TRIM37: variants seen among roughly 807,000 people sequenced by gnomAD.
The protein encoded by TRIM37 is tripartite motif containing 37.
A neutral mutation model predicts 129.8 loss-of-function variants in TRIM37; 80 were observed. The ratio of observed to expected loss-of-function variants is 0.62; its 90% CI spans 0.51 to 0.74. The LOEUF (loss-of-function observed/expected upper bound fraction) is 0.74. Ranked by LOEUF, TRIM37 falls within the 30% of genes least tolerant of loss-of-function variation. The pLI is 0.00. For synonymous variants in TRIM37, 389 were observed against 387.1 expected, an observed-to-expected ratio of 1.00 and a Z score of -0.06; for missense variants, 1,054 against 1,176.5, an observed-to-expected ratio of 0.90 and a Z score of 1.52.
chr17:58,974,465 G>C, the TRIM37 span, among the ~76,000 whole-genome samples: 2 of 152,280 alleles, frequency 1.3e-5, no homozygotes, highest in East Asian at 3.9e-4. Flanking sequence ...AGATTAAACA[G>C]CTAAGTTGGC....
intron 17 of TRIM37, among the ~76,000 whole-genome samples, chr17:59,032,554 G>GAAAC (rs2038003795): frequency 4.3e-5 from 5 of 116,196 alleles, no homozygotes; most frequent in Admixed American, 1.8e-4. Flanking sequence ...AAAAAAAAAA[G>GAAAC]AAAGAAGGAA....
chr17:59,056,032 T>C (rs1395676384), intron 13 of TRIM37, among the ~76,000 whole-genome samples: 1 of 152,204 alleles, frequency 6.6e-6, no homozygotes, highest in Non-Finnish European at 1.5e-5. Flanking sequence ...AGTTGCTTTA[T>C]AAAATTAAGT....
At chr17:59,021,922 TA>T (rs899252728) in intron 19 of TRIM37, among the ~76,000 whole-genome samples, 6 of 151,830 alleles carry the variant, frequency 4.0e-5, no homozygotes, top group African/African-American at 7.3e-5. Context: ...AATTAAAAAT[TA>T]AAAAAATTAA....
intron 24 of TRIM37, among the ~76,000 whole-genome samples, chr17:58,985,756 G>T (rs1245208976): frequency 6.6e-6 from 1 of 152,152 alleles, no homozygotes. Flanking sequence ...CTGCCTACCA[G>T]TAAAGAAGGC....
chr17:58,981,657 T>C (rs1598721890), downstream of TRIM37: 1 of 152,790 alleles, frequency 6.5e-6, no homozygotes, highest in Admixed American at 6.5e-5. Context: ...ACGGATTTTT[T>C]TCCTGTAACA....
At chr17:58,985,333 A>G in intron 24 of TRIM37, among the ~76,000 whole-genome samples, 1 of 152,234 alleles carries the variant, frequency 6.6e-6, no homozygotes, top group South Asian at 2.1e-4. Flanking sequence ...ATGCTGCTGT[A>G]ACATTATTTT....
Position 59,047,788 on chromosome 17 carries a change from T to C in TRIM37, c.1562A>G (p.Asp521Gly). 1.2e-6 allele frequency: 2 copies of C among 1,614,074 alleles called. No homozygotes were observed. The highest frequency in any genetic ancestry group is 2.7e-5 in the African/African-American group (2 of 75,052). Reference sequence around the variant, plus strand: ...ATTTACTTCATCCTCATAAACAAGATCCAGATCCAGATCTCCATCTGAAAG... The same window carrying C: ...ATTTACTTCATCCTCATAAACAAGACCCAGATCCAGATCTCCATCTGAAAG... ...HELSDGDLDL[D>G]LVYEDEVNQL... The change falls in exon 16 of 24, where the codon GAT (aspartate) becomes GGT (glycine). Residue 521 changes from aspartate (D) to glycine (G), a missense_variant. This residue lies in a region of TRIM37 where 752 missense variants were observed against 870.8 expected (regional missense o/e 0.86). Coordinates refer to ENST00000262294, the MANE Select transcript of TRIM37 (RefSeq NM_015294.6).
Position 59,021,130 on chromosome 17 carries a change from G to A in TRIM37, c.2258-3706C>T, listed in dbSNP as rs1427487073. ...TGTTAGGTTGGGCGTGGTAGCTCAC[G>A]CCCGTAATCTCAGCACTTTGTAAGC... On this transcript the variant is annotated intron_variant, in intron 19 of 23. Coordinates refer to ENST00000262294, the MANE Select transcript of TRIM37 (RefSeq NM_015294.6). Among the ~76,000 whole-genome samples the A allele has an allele frequency of 4.6e-5, 7 of 152,262 alleles. No individual in the cohort carries two copies. In the East Asian group the frequency reaches 9.6e-4, roughly 21 times the overall value.
chr17:59,064,525 A>G, intron 9 of TRIM37, 120 bp from the exon 10 acceptor site: 1 of 688,376 alleles, frequency 1.5e-6, no homozygotes, highest in Admixed American at 2.9e-5. Context: ...TCTAAGAAAT[A>G]TTTTTAAATC....
intron 2 of TRIM37, among the ~76,000 whole-genome samples, chr17:59,103,309 C>A (rs1331968227): frequency 6.6e-6 from 1 of 152,060 alleles, no homozygotes; most frequent in Non-Finnish European, 1.5e-5. Context: ...CTCGCATACA[C>A]AACCAAAATC....
intron 2 of TRIM37, among the ~76,000 whole-genome samples, chr17:59,092,915 G>A (rs1480107823): frequency 6.6e-6 from 1 of 152,210 alleles, no homozygotes; most frequent in Non-Finnish European, 1.5e-5. Context: ...CACTTTGGGA[G>A]GCTGAGGCGG....
intron 22 of TRIM37, among the ~76,000 whole-genome samples, chr17:59,007,654 A>G (rs1042354483): frequency 1.1e-5 from 1 of 93,130 alleles, no homozygotes; most frequent in Non-Finnish European, 2.4e-5. Context: ...GAAAGAAAAA[A>G]TAAGTCAACC....
downstream of TRIM37, chr17:58,981,097 G>C: frequency 8.7e-7 from 1 of 1,155,286 alleles, no homozygotes; most frequent in Non-Finnish European, 1.2e-6. Context: ...GTAGAAACAA[G>C]GTAGACATTT....
In TRIM37 at chr17:59,081,341, G is replaced by A. The variant is rs1236915696; in HGVS notation, c.370-122C>T. On this transcript the variant is annotated intron_variant, in intron 5 of 23. Coordinates refer to ENST00000262294, the MANE Select transcript of TRIM37 (RefSeq NM_015294.6). Reference sequence around the variant, plus strand: ...CTCTCAAATGAACTTTACCTTATTAGCTAATTTAATTTTGTTGAAGCAGGC... The same window carrying A: ...CTCTCAAATGAACTTTACCTTATTAACTAATTTAATTTTGTTGAAGCAGGC... 9 of 1,403,546 alleles carry A rather than the reference G, an allele frequency of 6.4e-6. No individual in the cohort carries two copies. The Admixed American group carries it at 1.3e-4, about 20-fold the overall frequency. The allele number at this position is 1,403,546 out of a possible 1,614,324, so 86.9% of individuals were successfully genotyped here.
intron 19 of TRIM37, among the ~76,000 whole-genome samples, chr17:59,028,013 CAG>C (rs1490885154): frequency 6.6e-6 from 1 of 152,208 alleles, no homozygotes; most frequent in Non-Finnish European, 1.5e-5. Flanking sequence ...TGCCTCCTCA[CAG>C]AGACTTTCTC....
rs2041764910 is a variant in TRIM37, at chr17:59,064,422, A to C, written c.810-17T>G. 1.9e-6 allele frequency: 3 copies of C among 1,539,604 alleles called. No individual in the cohort carries two copies. In the South Asian group the frequency reaches 3.6e-5, roughly 18 times the overall value. ...ACTAATTCACTAAAAAAAAAAAGGC[A>C]AAAAAAATTATTTAGCTTACATGTT... On this transcript the variant is annotated splice_polypyrimidine_tract_variant and intron_variant, in intron 9 of 23. Transcript: ENST00000262294.
At position 58,998,943 on chromosome 17, in the gene TRIM37, A is replaced by C; in HGVS notation, c.*434T>G. 1 of 1,032,692 alleles carries C rather than the reference A, an allele frequency of 9.7e-7. No individual in the cohort carries two copies. The highest frequency in any genetic ancestry group is 1.2e-6 in the Non-Finnish European group (1 of 857,918). 64.0% of individuals were successfully genotyped at this position (1,032,692 alleles called of 1,614,324 possible). ...AATCTACAGGCACTAATGGAACTGT[A>C]ATTAAAACCCCAAATATAAAGATGA... On this transcript the variant is annotated 3_prime_UTR_variant, in exon 24 of 24. Transcript: ENST00000262294.
At chr17:59,039,357 T>A (rs2038905658) in intron 17 of TRIM37, among the ~76,000 whole-genome samples, 1 of 150,692 alleles carries the variant, frequency 6.6e-6, no homozygotes, top group South Asian at 2.1e-4. Context: ...AGTCTTTTTT[T>A]TTTTTTTGAG....
At chr17:59,104,570 T>C (rs2045820213) in intron 1 of TRIM37, 176 bp from the exon 2 acceptor site, 1 of 766,398 alleles carries the variant, frequency 1.3e-6, no homozygotes, top group Non-Finnish European at 2.4e-6. Context: ...ATCTGGAAAA[T>C]GTACTCCCGT....
Sources: allele counts gnomAD v4.1 joint callset (sites outside exome capture counted in the v4.1 genomes callset), GRCh38; gene constraint gnomAD v4.1.1; regional missense constraint gnomAD v4.1.1; transcripts MANE v1.5; gene names NCBI Gene and HGNC (gene_info 2026-07-23, HGNC 2026-07-21).